The following STAG1 variants were observed in gnomAD, a reference collection of about 807,000 sequenced individuals.
STAG1 encodes the protein STAG1 cohesin complex component, also known as cohesin subunit SA-1.
A neutral mutation model predicts 170.9 loss-of-function variants in STAG1; 26 were observed. The observed-to-expected ratio is 0.15, with a 90% confidence interval of 0.11 to 0.21. The LOEUF is 0.21. Ranked by LOEUF, STAG1 falls within the 10% of genes least tolerant of loss-of-function variation. STAG1 has a pLI of 1.00. For missense variants in STAG1, 964 were observed against 1,509.5 expected (o/e 0.64, Z 5.99); for synonymous variants, 514 against 497.7 (o/e 1.03, Z -0.44).
chr3:136,577,226 C>T (rs1430573893), intron 4 of STAG1, among the ~76,000 whole-genome samples: 1 of 152,194 alleles, frequency 6.6e-6, no homozygotes, highest in Non-Finnish European at 1.5e-5. Context: ...AATTAATGCT[C>T]AGCTTAAGTC....
chr3:136,612,088 C>G (rs771793250), intron 3 of STAG1, among the ~76,000 whole-genome samples: 41 of 151,996 alleles, frequency 2.7e-4, no homozygotes, highest in Non-Finnish European at 5.4e-4. Context: ...ACCTTGTGAT[C>G]TGCCCGCCTC....
At chr3:136,720,041 T>C (rs1933140425) in intron 1 of STAG1, among the ~76,000 whole-genome samples, 1 of 151,932 alleles carries the variant, frequency 6.6e-6, no homozygotes, top group Non-Finnish European at 1.5e-5. Flanking sequence ...CTGGGCATGG[T>C]AGTGCATACT....
chr3:136,414,924 G>A (rs2087730776), intron 21 of STAG1, among the ~76,000 whole-genome samples: 1 of 152,102 alleles, frequency 6.6e-6, no homozygotes, highest in Admixed American at 6.6e-5. Context: ...GAGGGAAAGG[G>A]ATCAGGGAAG....
chr3:136,449,484 T>C (rs965926528), intron 14 of STAG1, among the ~76,000 whole-genome samples: 7 of 151,152 alleles, frequency 4.6e-5, no homozygotes, highest in African/African-American at 1.7e-4. Flanking sequence ...TGCTTGAATC[T>C]GGGAGACAGA....
At chr3:136,478,348 C>T (rs931766091) in intron 9 of STAG1, among the ~76,000 whole-genome samples, 1 of 152,080 alleles carries the variant, frequency 6.6e-6, no homozygotes, top group African/African-American at 2.4e-5. Flanking sequence ...TATAACCCTC[C>T]TGGGATGACT....
At chr3:136,587,608 T>C (rs1937901985) in intron 4 of STAG1, among the ~76,000 whole-genome samples, 1 of 151,290 alleles carries the variant, frequency 6.6e-6, no homozygotes, top group Non-Finnish European at 1.5e-5. Context: ...TTCTATGTAT[T>C]ACTTTTCATC....
rs750116553 is a variant in STAG1 at position 136,449,027 on chromosome 3, AAAAC to A, written c.1428+3002_1428+3005del. 3.3e-5 allele frequency among the ~76,000 whole-genome samples: 5 copies of A among 152,338 alleles called. No individual in the cohort carries two copies. In the East Asian group the frequency reaches 9.6e-4, roughly 29 times the overall value. ...TTTACCAATTAAAGTGTGTGACAGTAAAACAAAGAGAAATTCAGAGTAGAGCACA... is the reference window on the plus strand; with the variant it reads ...TTTACCAATTAAAGTGTGTGACAGTAAAAGAGAAATTCAGAGTAGAGCACA... On this transcript the variant is annotated intron_variant, in intron 14 of 33. Coordinates refer to ENST00000383202, the MANE Select transcript of STAG1 (RefSeq NM_005862.3).
chr3:136,577,587 A>G (rs1937507427), intron 4 of STAG1, among the ~76,000 whole-genome samples: 1 of 152,100 alleles, frequency 6.6e-6, no homozygotes, highest in African/African-American at 2.4e-5. Flanking sequence ...AAGCCCTCTG[A>G]TAACTTTACA....
intron 1 of STAG1, among the ~76,000 whole-genome samples, chr3:136,701,512 A>T (rs1012117282): frequency 6.6e-6 from 1 of 152,170 alleles, no homozygotes; most frequent in Non-Finnish European, 1.5e-5. Flanking sequence ...TATAATCAAA[A>T]GCAGCTCAGT....
chr3:136,652,826 G>A (rs1941260485), intron 1 of STAG1, among the ~76,000 whole-genome samples: 2 of 152,170 alleles, frequency 1.3e-5, no homozygotes, highest in Non-Finnish European at 2.9e-5. Context: ...CGGCATTATT[G>A]ACATTTTTAG....
intron 1 of STAG1, among the ~76,000 whole-genome samples, chr3:136,645,912 T>C (rs911440454): frequency 1.2e-4 from 19 of 152,214 alleles, no homozygotes; most frequent in African/African-American, 4.3e-4. Flanking sequence ...CCCTACCATA[T>C]GTCCCACAAC....
chr3:136,493,656 GAAAA>G (rs549570470), intron 9 of STAG1, among the ~76,000 whole-genome samples: 1 of 63,188 alleles, frequency 1.6e-5, no homozygotes, highest in African/African-American at 5.7e-5. Context: ...TCCTGTCTCC[GAAAA>G]AAAAAAAAAA....
At chr3:136,453,054 T>C (rs1267651472) in intron 13 of STAG1, among the ~76,000 whole-genome samples, 4 of 152,186 alleles carry the variant, frequency 2.6e-5, no homozygotes, top group African/African-American at 9.7e-5. Context: ...CCCTAAGTTC[T>C]ATTTTCCTAA....
rs749325884 is a variant in STAG1, at chr3:136,579,958, A to ATTTTTTTTTTTTTTTTTTTTTTT, written c.298-11120_298-11098dup. ...CTATTTTGGTCACAATACCATCTGA[A>ATTTTTTTTTTTTTTTTTTTTTTT]TTTTTTTTTTTTTTTTTTTTTTTTT... On this transcript the variant is annotated intron_variant, in intron 4 of 33. Coordinates refer to ENST00000383202, the MANE Select transcript of STAG1 (RefSeq NM_005862.3). 2.4e-4 allele frequency among the ~76,000 whole-genome samples: 18 copies of ATTTTTTTTTTTTTTTTTTTTTTT among 73,646 alleles called. 1 individual carries two copies. Among genetic ancestry groups the ATTTTTTTTTTTTTTTTTTTTTTT allele is most frequent in the Non-Finnish European group, 3.7e-4 (15 of 41,054 alleles). 48.3% of individuals were successfully genotyped at this position (73,646 alleles called of 152,430 possible).
At chr3:136,470,813 A>T (rs2089606870) in intron 12 of STAG1, among the ~76,000 whole-genome samples, 2 of 152,166 alleles carry the variant, frequency 1.3e-5, no homozygotes, top group Admixed American at 1.3e-4. Context: ...CATAAAAAGG[A>T]TGAGTTCATG....
chr3:136,719,935 C>T (rs1037796947), intron 1 of STAG1, among the ~76,000 whole-genome samples: 13 of 151,970 alleles, frequency 8.6e-5, no homozygotes, highest in African/African-American at 2.4e-4. Context: ...CCAGCACTTT[C>T]GGAGGCCAAG....
rs916112351 is a variant in STAG1, at chr3:136,565,399, G to A, written c.394+3366C>T. Among the ~76,000 whole-genome samples, 14 of 152,292 alleles carry A rather than the reference G, an allele frequency of 9.2e-5. No homozygotes were observed. In the East Asian group the frequency reaches 2.7e-3, roughly 29 times the overall value. On this transcript the variant is annotated intron_variant, in intron 5 of 33. Transcript: ENST00000383202. ...TGTATATTTCTTCAAAGAAAATACAGACATGTCCAACAAGCACATGAAAAG... is the reference window on the plus strand; with the variant it reads ...TGTATATTTCTTCAAAGAAAATACAAACATGTCCAACAAGCACATGAAAAG...
chr3:136,449,473 T>C (rs1308303864), intron 14 of STAG1, among the ~76,000 whole-genome samples: 4 of 151,886 alleles, frequency 2.6e-5, no homozygotes, highest in African/African-American at 7.3e-5. Context: ...AGTATGAGAA[T>C]TGCTTGAATC....
rs68155305 is a variant in STAG1, at chr3:136,441,030, CTT to C, written c.1546+2255_1546+2256del. ...CAACTTAACAACAGGACCATCTTTC[CTT>C]TTTTTTTTTTTTTTTTTTGAGATGA... On this transcript the variant is annotated intron_variant, in intron 15 of 33. Coordinates refer to ENST00000383202, the MANE Select transcript of STAG1 (RefSeq NM_005862.3). 4.7e-3 allele frequency among the ~76,000 whole-genome samples: 385 copies of C among 81,938 alleles called. 3 individuals carry two copies. Among genetic ancestry groups the C allele is most frequent in the Admixed American group, 6.5e-3 (46 of 7,088 alleles). The allele number at this position is 81,938 out of a possible 152,430, so 53.8% of individuals were successfully genotyped here.
Sources: allele counts gnomAD v4.1 joint callset (sites outside exome capture counted in the v4.1 genomes callset), GRCh38; gene constraint gnomAD v4.1.1; transcripts MANE v1.5; gene names NCBI Gene and HGNC (gene_info 2026-07-23, HGNC 2026-07-21).